Variants in PLSCR2 observed in about 807,000 individuals in gnomAD.
PLSCR2 encodes the protein phospholipid scramblase 2.
A neutral mutation model predicts 25.3 loss-of-function variants in PLSCR2; 18 were observed. The observed-to-expected ratio is 0.71, with a 90% CI of 0.49 to 1.06. The LOEUF (loss-of-function observed/expected upper bound fraction) is 1.06. Among genes scored for constraint, PLSCR2 ranks in the 50% least tolerant of loss-of-function variants. PLSCR2 has a pLI of 0.00. For missense variants in PLSCR2, 243 were observed against 269.5 expected, an observed-to-expected ratio of 0.90 and a Z score of 0.69; for synonymous variants, 88 against 87.3, an observed-to-expected ratio of 1.01 and a Z score of -0.04.
In PLSCR2 at chr3:146,470,980, G is replaced by A. The variant is rs369140663; in HGVS notation, c.-292-10696C>T. Among the ~76,000 whole-genome samples the A allele has an allele frequency of 3.4e-4, 52 of 152,194 alleles. No individual in the cohort carries two copies. The South Asian group carries it at 1.0e-2, about 29-fold the overall frequency. On this transcript the variant is annotated intron_variant, in intron 1 of 8. Coordinates refer to the PLSCR2 transcript ENST00000336685. ...TAGAATGATGTTTGCCATAGAGTAA[G>A]CGCTCAGTAAATGTTATATACATAC...
At chr3:146,415,099 AAT>A (rs2038968493) in intron 2 of PLSCR2, 1 of 152,668 alleles carries the variant, frequency 6.6e-6, no homozygotes, top group African/African-American at 2.4e-5. Flanking sequence ...TTAAAGAATT[AAT>A]ATATCAGTAT....
intron 6 of PLSCR2, among the ~76,000 whole-genome samples, chr3:146,444,106 C>T (rs1320626817): frequency 1.3e-5 from 2 of 151,716 alleles, no homozygotes; most frequent in African/African-American, 2.4e-5. Context: ...AGTTTTATTC[C>T]ATTGTGGTCA....
At chr3:146,407,824 C>T (rs1389275690) in intron 2 of PLSCR2, among the ~76,000 whole-genome samples, 2 of 152,136 alleles carry the variant, frequency 1.3e-5, no homozygotes, top group South Asian at 4.1e-4. Context: ...AACAGTTGCA[C>T]TCGCCTTTCG....
chr3:146,479,934 A>G (rs1286452213), intron 1 of PLSCR2, among the ~76,000 whole-genome samples: 1 of 152,194 alleles, frequency 6.6e-6, no homozygotes, highest in African/African-American at 2.4e-5. Context: ...TAAGAAACTC[A>G]CTCAAAACCA....
intron 2 of PLSCR2, among the ~76,000 whole-genome samples, chr3:146,404,492 A>G (rs1363945146): frequency 6.6e-6 from 1 of 152,194 alleles, no homozygotes; most frequent in Non-Finnish European, 1.5e-5. Context: ...ACACTATTGC[A>G]TTGAGAATTA....
intron 6 of PLSCR2, among the ~76,000 whole-genome samples, chr3:146,448,052 C>T (rs186841837): frequency 5.0e-4 from 76 of 152,264 alleles, no homozygotes; most frequent in Non-Finnish European, 6.3e-4. Flanking sequence ...AAGCCACTGC[C>T]GGGTATGGGG....
chr3:146,393,302 AC>A (rs1224632520), intron 3 of PLSCR2, among the ~76,000 whole-genome samples: 1 of 151,310 alleles, frequency 6.6e-6, no homozygotes, highest in Non-Finnish European at 1.5e-5. Flanking sequence ...TGCTGGGATT[AC>A]AGGCGTGAGC....
At chr3:146,411,042 C>G (rs1196568623) in intron 2 of PLSCR2, among the ~76,000 whole-genome samples, 1 of 152,150 alleles carries the variant, frequency 6.6e-6, no homozygotes, top group African/African-American at 2.4e-5. Context: ...TTGTCCTCCC[C>G]CATCCACACA....
At chr3:146,416,138 G>A (rs2039000033) in intron 2 of PLSCR2, among the ~76,000 whole-genome samples, 1 of 151,890 alleles carries the variant, frequency 6.6e-6, no homozygotes, top group African/African-American at 2.4e-5. Context: ...TTTTAGTAGA[G>A]ACGGGGTTTC....
intron 2 of PLSCR2, chr3:146,416,518 C>G (rs2039011873): frequency 1.3e-5 from 2 of 152,246 alleles, no homozygotes; most frequent in African/African-American, 4.8e-5. Flanking sequence ...TGCAAATACT[C>G]TAATCCAAGT....
chr3:146,459,275 A>G lies in PLSCR2; in HGVS notation c.57+573T>C, dbSNP rs373712559. 3.9e-5 allele frequency among the ~76,000 whole-genome samples: 6 copies of G among 152,300 alleles called. No homozygotes were observed. In the East Asian group the frequency reaches 1.2e-3, roughly 29 times the overall value. On this transcript the variant is annotated intron_variant, in intron 2 of 6. Coordinates refer to ENST00000610787, the Ensembl canonical transcript of PLSCR2. The stretch of plus-strand genomic sequence containing the variant: ...AATGAGTCAAATCCCACACAAAAAT[A>G]TTAAGTCATTTTTGGTACTGCTTAC...
At chr3:146,492,422 A>G (rs2108583652) in intron 1 of PLSCR2, among the ~76,000 whole-genome samples, 1 of 152,282 alleles carries the variant, frequency 6.6e-6, no homozygotes, top group East Asian at 1.9e-4. Context: ...TTCACAAAAA[A>G]TTTAAAAAAA....
At chr3:146,425,404 A>G (rs1576598063) in intron 2 of PLSCR2, among the ~76,000 whole-genome samples, 1 of 152,296 alleles carries the variant, frequency 6.6e-6, no homozygotes. Flanking sequence ...CCATGAAAGG[A>G]CATATTAACT....
At chr3:146,492,143 C>T (rs769489307) in intron 1 of PLSCR2, among the ~76,000 whole-genome samples, 2 of 152,134 alleles carry the variant, frequency 1.3e-5, no homozygotes, top group Non-Finnish European at 2.9e-5. Context: ...TCCGACCCTA[C>T]TGACCTGGAA....
intron 5 of PLSCR2, among the ~76,000 whole-genome samples, chr3:146,450,965 A>G (rs1387389300): frequency 6.6e-6 from 1 of 151,944 alleles, no homozygotes; most frequent in Non-Finnish European, 1.5e-5. Flanking sequence ...TTTATAAAAA[A>G]AATTTATAAA....
At chr3:146,465,383 A>T (rs2041814609), upstream of PLSCR2, among the ~76,000 whole-genome samples, 1 of 151,986 alleles carries the variant, frequency 6.6e-6, no homozygotes. Flanking sequence ...GGTCCTGAAA[A>T]TTTTTTGTTT....
intron 1 of PLSCR2, among the ~76,000 whole-genome samples, chr3:146,466,833 C>G (rs1032235489): frequency 3.9e-5 from 6 of 152,106 alleles, no homozygotes; most frequent in African/African-American, 1.4e-4. Flanking sequence ...GAATAAAAAA[C>G]AAACAAAAAA....
rs1337686549 is a variant in PLSCR2, at chr3:146,480,493, A to T, written c.-293+15402T>A. On this transcript the variant is annotated intron_variant, in intron 1 of 8. Coordinates refer to the PLSCR2 transcript ENST00000336685. ...AAATAAACTAGAAAATCTAGAAGAA[A>T]TGGATAAATTCCTGGACACATACAA... Among the ~76,000 whole-genome samples the T allele has an allele frequency of 3.3e-5, 5 of 152,228 alleles. No homozygotes were observed. The East Asian group carries it at 9.6e-4, about 29-fold the overall frequency.
At chr3:146,451,065 C>T (rs1366351439) in intron 5 of PLSCR2, among the ~76,000 whole-genome samples, 2 of 138,922 alleles carry the variant, frequency 1.4e-5, no homozygotes, top group East Asian at 1.9e-4. Flanking sequence ...GGAAATAATA[C>T]GTTGGTATTT....
Sources: gnomAD v4.1 joint callset for allele counts (sites outside exome capture counted in the v4.1 genomes callset) on GRCh38, gnomAD v4.1.1 for gene constraint, MANE v1.5 for transcripts, NCBI Gene and HGNC (gene_info 2026-07-23, HGNC 2026-07-21) for gene names.